Variants in INPP5B observed in about 807,000 individuals in gnomAD.
INPP5B encodes the protein inositol polyphosphate-5-phosphatase B, also known as type II inositol 1,4,5-trisphosphate 5-phosphatase.
In INPP5B, 90 loss-of-function variants were observed where a neutral mutation model predicts 118.5. That is an observed-to-expected ratio of 0.76 (90% CI 0.64 to 0.90). INPP5B has a LOEUF of 0.90. Ranked by LOEUF, INPP5B falls within the 40% of genes least tolerant of loss-of-function variation. The pLI, the probability that INPP5B is intolerant of heterozygous loss-of-function variation, is 0.00. For missense variants in INPP5B, 984 were observed against 1,125.6 expected (o/e 0.87, Z 1.80); for synonymous variants, 385 against 418.9 (o/e 0.92, Z 0.99).
intron 7 of INPP5B, among the ~76,000 whole-genome samples, chr1:37,912,102 G>A (rs548617013): frequency 4.6e-5 from 7 of 152,156 alleles, no homozygotes; most frequent in Non-Finnish European, 8.8e-5. Context: ...CAGGAAATTC[G>A]CTAGGCTGCT....
At chr1:37,876,565 A>AAG (rs1471818071) in intron 16 of INPP5B, among the ~76,000 whole-genome samples, 2 of 148,242 alleles carry the variant, frequency 1.3e-5, no homozygotes, top group African/African-American at 4.9e-5. Flanking sequence ...AAAAAAAAAA[A>AAG]AAAAAAAAAA....
At chr1:37,884,597 T>C (rs1643404109) in intron 13 of INPP5B, among the ~76,000 whole-genome samples, 1 of 152,128 alleles carries the variant, frequency 6.6e-6, no homozygotes, top group African/African-American at 2.4e-5. Context: ...TTTCTTCTTA[T>C]TTCTGGCTGC....
chr1:37,872,121 C>G (rs1209684659), intron 19 of INPP5B, among the ~76,000 whole-genome samples: 1 of 145,348 alleles, frequency 6.9e-6, no homozygotes, highest in Admixed American at 6.9e-5. Context: ...AATCCCAGCA[C>G]TTTGGGAGGC....
At chr1:37,865,978 G>C in intron 21 of INPP5B, 90 bp from the exon 22 acceptor site, 1 of 1,561,834 alleles carries the variant, frequency 6.4e-7, no homozygotes, top group Non-Finnish European at 8.7e-7. Flanking sequence ...AGTGCTGCCT[G>C]CCCTGTCAGG....
At chr1:37,873,563 A>G (rs916558374) in intron 18 of INPP5B, among the ~76,000 whole-genome samples, 3 of 152,198 alleles carry the variant, frequency 2.0e-5, no homozygotes, top group Admixed American at 6.5e-5. Context: ...AACACCCTTC[A>G]TTGTTCCATC....
chr1:37,871,327 G>A (rs554547300), intron 19 of INPP5B, among the ~76,000 whole-genome samples: 89 of 149,026 alleles, frequency 6.0e-4, no homozygotes, highest in Non-Finnish European at 1.0e-3. Flanking sequence ...GTATGGTGGC[G>A]GGCACCTGTA....
intron 13 of INPP5B, 189 bp downstream of exon 13, chr1:37,885,449 G>A: frequency 2.0e-6 from 1 of 510,968 alleles, no homozygotes; most frequent in Non-Finnish European, 3.5e-6. Context: ...AAAGACTCAA[G>A]AGATCTGCCA....
intron 7 of INPP5B, among the ~76,000 whole-genome samples, chr1:37,892,815 G>C (rs140981955): frequency 2.1e-3 from 318 of 152,230 alleles, no homozygotes; most frequent in Non-Finnish European, 3.5e-3. Flanking sequence ...TTAGGTGTGA[G>C]GTGTTTAGGT....
chr1:37,931,262 C>T, intron 7 of INPP5B: 1 of 415,272 alleles, frequency 2.4e-6, no homozygotes, highest in Non-Finnish European at 4.4e-6. Flanking sequence ...ACATACCATA[C>T]CTCACCCAAA....
At chr1:37,924,679 G>A (rs1440467934) in intron 7 of INPP5B, among the ~76,000 whole-genome samples, 1 of 151,810 alleles carries the variant, frequency 6.6e-6, no homozygotes, top group African/African-American at 2.4e-5. Flanking sequence ...GGCAGAGGCG[G>A]GAAGATCACT....
intron 16 of INPP5B, among the ~76,000 whole-genome samples, chr1:37,877,346 G>GAA (rs796297629): frequency 1.9e-5 from 2 of 105,284 alleles, no homozygotes; most frequent in Admixed American, 1.0e-4. Context: ...CATCTCAACA[G>GAA]AAAAAAAAAA....
chr1:37,873,328 A>G (rs1642586380), intron 18 of INPP5B, 163 bp from the exon 19 acceptor site: 1 of 602,898 alleles, frequency 1.7e-6, no homozygotes, highest in South Asian at 2.0e-5. Context: ...CAGGAGACAC[A>G]AGAACAAAGA....
chr1:37,930,662 C>T (rs1273359234), intron 7 of INPP5B: 1 of 152,278 alleles, frequency 6.6e-6, no homozygotes, highest in African/African-American at 2.4e-5. Flanking sequence ...GCGCTTCGAT[C>T]GCACCTTGTG....
chr1:37,911,913 C>T (rs1644713256), intron 7 of INPP5B, among the ~76,000 whole-genome samples: 1 of 152,318 alleles, frequency 6.6e-6, no homozygotes. Context: ...CAACTTCTGT[C>T]CCTCACGGCC....
intron 7 of INPP5B, among the ~76,000 whole-genome samples, chr1:37,896,537 GC>G (rs1644085098): frequency 7.0e-6 from 1 of 142,006 alleles, no homozygotes; most frequent in Admixed American, 6.9e-5. Context: ...CTGCCCGGCC[GC>G]CCCTACTGGG....
chr1:37,891,241 AAG>A, intron 8 of INPP5B, 115 bp downstream of exon 8: 1 of 638,468 alleles, frequency 1.6e-6, no homozygotes, highest in South Asian at 2.3e-5. Flanking sequence ...AAAAAAAAAA[AAG>A]GACACTTCCT....
chr1:37,865,609 G>A, intron 22 of INPP5B, 152 bp downstream of exon 22: 2 of 813,118 alleles, frequency 2.5e-6, no homozygotes, highest in African/African-American at 1.7e-5. Flanking sequence ...GCCATTAAAA[G>A]AAACAAAGAC....
rs145271992 is a variant in INPP5B at position 37,865,716 on chromosome 1, A to G, written c.2514+45T>C. The G allele has an allele frequency of 4.4e-5, 70 of 1,604,192 alleles. No individual in the cohort carries two copies. The East Asian group carries it at 5.2e-4, about 12-fold the overall frequency. Reference sequence around the variant, plus strand: ...GTGTCCACTCTGTTCCCTTAGCCCCATGGGGTCTGGGGCTAACCACATGCT... The same window carrying G: ...GTGTCCACTCTGTTCCCTTAGCCCCGTGGGGTCTGGGGCTAACCACATGCT... On this transcript the variant is annotated intron_variant, in intron 22 of 23. Coordinates refer to ENST00000373024, the MANE Select transcript of INPP5B (RefSeq NM_005540.3).
At chr1:37,864,585 G>A in intron 22 of INPP5B, 162 bp from the exon 23 acceptor site, 1 of 491,630 alleles carries the variant, frequency 2.0e-6, no homozygotes, top group Admixed American at 3.8e-5. Context: ...GAGAGGTACG[G>A]GTCAAATGCA....
Sources: gnomAD v4.1 joint callset for allele counts (sites outside exome capture counted in the v4.1 genomes callset) on GRCh38, gnomAD v4.1.1 for gene constraint, MANE v1.5 for transcripts, NCBI Gene and HGNC (gene_info 2026-07-23, HGNC 2026-07-21) for gene names.